Variants in DLG2 observed in about 807,000 individuals in gnomAD.
DLG2 encodes disks large homolog 2.
DLG2 carries 45 observed loss-of-function variants against 132.5 expected under a neutral mutation model. That is an observed-to-expected ratio of 0.34 (90% CI 0.27 to 0.44). The LOEUF (loss-of-function observed/expected upper bound fraction) is 0.44, where lower values mean the gene tolerates loss of function less well. Among genes scored for constraint, DLG2 ranks in the 20% least tolerant of loss-of-function variants. The pLI is 1.00. For missense variants in DLG2, 1,045 were observed against 1,196.9 expected, an observed-to-expected ratio of 0.87 and a Z score of 1.87; for synonymous variants, 424 against 419.6, an observed-to-expected ratio of 1.01 and a Z score of -0.13.
intron 7 of DLG2, among the ~76,000 whole-genome samples, chr11:84,373,265 C>CAAAAAAAAAAACAA (rs59038372): frequency 1.0e-5 from 1 of 98,090 alleles, no homozygotes; most frequent in Non-Finnish European, 1.8e-5. Context: ...AAAAAAAAAA[C>CAAAAAAAAAAACAA]AAAACAAAAA....
chr11:84,871,080 A>G (rs188777499), intron 6 of DLG2, among the ~76,000 whole-genome samples: 59 of 152,294 alleles, frequency 3.9e-4, no homozygotes, highest in Middle Eastern at 3.4e-3. Context: ...TCTGTTTCAG[A>G]TATGCCTCTT....
intron 6 of DLG2, among the ~76,000 whole-genome samples, chr11:85,007,505 A>C (rs2058770350): frequency 6.6e-6 from 1 of 151,434 alleles, no homozygotes; most frequent in Non-Finnish European, 1.5e-5. Flanking sequence ...CTAAAAAAAA[A>C]CACAAAAAAA....
At chr11:84,725,082 A>C (rs1225232548) in intron 6 of DLG2, among the ~76,000 whole-genome samples, 2 of 152,312 alleles carry the variant, frequency 1.3e-5, no homozygotes, top group African/African-American at 4.8e-5. Flanking sequence ...GAAAGAGAGA[A>C]TATTGATAAC....
intron 7 of DLG2, among the ~76,000 whole-genome samples, chr11:84,483,161 G>A (rs1383237956): frequency 2.6e-5 from 4 of 152,000 alleles, no homozygotes; most frequent in Admixed American, 6.6e-5. Context: ...GCCTGGGCAC[G>A]GTGGCTCACA....
rs542669571 is a variant in DLG2 at position 85,195,712 on chromosome 11, G to C, written c.187-41061C>G. 6.6e-5 allele frequency among the ~76,000 whole-genome samples: 10 copies of C among 151,882 alleles called. No homozygotes were observed. The East Asian group carries it at 1.8e-3, about 27-fold the overall frequency. On this transcript the variant is annotated intron_variant, in intron 4 of 27. Transcript: ENST00000376104. Reference sequence around the variant, plus strand: ...CTAATTTTTTTTTGTATTTTTAGTAGAGACGGGGTTTCACCGTGTTAGCCA... The same window carrying C: ...CTAATTTTTTTTTGTATTTTTAGTACAGACGGGGTTTCACCGTGTTAGCCA...
intron 3 of DLG2, among the ~76,000 whole-genome samples, chr11:85,442,699 T>A (rs539002624): frequency 1.1e-4 from 17 of 151,532 alleles, no homozygotes; most frequent in African/African-American, 4.1e-4. Flanking sequence ...TGTCTCTACC[T>A]AAATAAAAAA....
rs2078358498 is a variant in DLG2, at chr11:85,283,399, G to A, written c.186+1821C>T. On this transcript the variant is annotated intron_variant, in intron 4 of 27. Transcript: ENST00000376104. ...CAAAGAAGAAAGAATTTTTTAAAAA[G>A]TAATAATTTTATCACATAAAAATTA... Among the ~76,000 whole-genome samples the A allele has an allele frequency of 2.0e-5, 3 of 150,660 alleles. No individual in the cohort carries two copies. In the South Asian group the frequency reaches 6.3e-4, roughly 31 times the overall value.
At chr11:84,089,539 A>G (rs555747192) in intron 10 of DLG2, among the ~76,000 whole-genome samples, 68 of 152,342 alleles carry the variant, frequency 4.5e-4, no homozygotes, top group East Asian at 3.9e-4. Context: ...GTTTATACAC[A>G]AGAACTGCAT....
chr11:83,994,549 T>G (rs2093918475), intron 11 of DLG2, among the ~76,000 whole-genome samples: 1 of 152,156 alleles, frequency 6.6e-6, no homozygotes, highest in Non-Finnish European at 1.5e-5. Context: ...AACTAGTTTT[T>G]AAAATGAATT....
rs2055116535 is a variant in DLG2 at position 84,977,744 on chromosome 11, C to G, written c.357+133917G>C. ...CATTTCCTATATTTTCCTATTAACA[C>G]AGGTTTTGTAAAGGCTATGCCTTAA... On this transcript the variant is annotated intron_variant, in intron 6 of 27. Coordinates refer to ENST00000376104, the MANE Select transcript of DLG2 (RefSeq NM_001142699.3). 3.3e-5 allele frequency among the ~76,000 whole-genome samples: 5 copies of G among 152,110 alleles called. No individual in the cohort carries two copies. The South Asian group carries it at 1.0e-3, about 31-fold the overall frequency.
chr11:83,934,458 A>C (rs2081021557), intron 14 of DLG2, among the ~76,000 whole-genome samples: 1 of 150,850 alleles, frequency 6.6e-6, no homozygotes, highest in South Asian at 2.1e-4. Flanking sequence ...GTCCCCTTAA[A>C]TTTTGCACCC....
chr11:83,844,859 G>A (rs1358002123), intron 16 of DLG2, among the ~76,000 whole-genome samples: 3 of 152,054 alleles, frequency 2.0e-5, no homozygotes. Flanking sequence ...CACTTGGGTG[G>A]CTAATTTCCC....
At chr11:85,523,275 C>T (rs1354822970) in intron 3 of DLG2, among the ~76,000 whole-genome samples, 2 of 152,098 alleles carry the variant, frequency 1.3e-5, no homozygotes, top group African/African-American at 4.8e-5. Flanking sequence ...TCCCCTCCCA[C>T]CATGATTATA....
chr11:83,914,450 A>G (rs1250533666), intron 15 of DLG2, among the ~76,000 whole-genome samples: 5 of 152,140 alleles, frequency 3.3e-5, no homozygotes, highest in Non-Finnish European at 5.9e-5. Flanking sequence ...CACAGAGATC[A>G]AGTTATAACA....
chr11:84,616,139 G>A (rs1163043419), intron 6 of DLG2, among the ~76,000 whole-genome samples: 1 of 152,056 alleles, frequency 6.6e-6, no homozygotes, highest in East Asian at 1.9e-4. Context: ...AGGTTACATG[G>A]GTTGAGATAA....
At chr11:85,003,463 T>C (rs2058382925) in intron 6 of DLG2, among the ~76,000 whole-genome samples, 1 of 152,200 alleles carries the variant, frequency 6.6e-6, no homozygotes. Context: ...TATATGTAAG[T>C]TGTAAATCTC....
intron 6 of DLG2, among the ~76,000 whole-genome samples, chr11:84,784,330 A>AAATC (rs1423126158): frequency 5.2e-5 from 7 of 133,902 alleles, no homozygotes; most frequent in African/African-American, 1.9e-4. Context: ...CAAAATAAAT[A>AAATC]AATAAATAAA....
intron 19 of DLG2, among the ~76,000 whole-genome samples, chr11:83,559,938 A>G (rs2096582689): frequency 6.6e-6 from 1 of 152,094 alleles, no homozygotes; most frequent in African/African-American, 2.4e-5. Context: ...TGAAGAGCCT[A>G]CCCTGATGCT....
At chr11:85,045,115 A>C (rs1291427509) in intron 6 of DLG2, among the ~76,000 whole-genome samples, 1 of 152,030 alleles carries the variant, frequency 6.6e-6, no homozygotes, top group Non-Finnish European at 1.5e-5. Context: ...CAAGTAAGCC[A>C]AATGGAGCAG....
Sources: gnomAD v4.1 joint callset for allele counts (sites outside exome capture counted in the v4.1 genomes callset) on GRCh38, gnomAD v4.1.1 for gene constraint, MANE v1.5 for transcripts, NCBI Gene and HGNC (gene_info 2026-07-23, HGNC 2026-07-21) for gene names.